Variants in DMD observed in about 807,000 individuals in gnomAD.
The protein encoded by DMD is dystrophin.
DMD carries 63 observed loss-of-function variants against 330.1 expected under a neutral mutation model. The ratio of observed to expected loss-of-function variants is 0.19; its 90% CI spans 0.16 to 0.24. The LOEUF (loss-of-function observed/expected upper bound fraction) is 0.24, where lower values mean the gene tolerates loss of function less well. Ranked by LOEUF, DMD falls within the 10% of genes least tolerant of loss-of-function variation. The probability of loss-of-function intolerance (pLI) is 1.00; values close to 1 mark genes in which losing one functional copy is unlikely to be tolerated. For synonymous variants in DMD, 1,223 were observed against 959.8 expected (o/e 1.27, Z -5.07); for missense variants, 3,344 against 2,684.1 (o/e 1.25, Z -5.43).
chrX:32,038,380 A>G (rs997444136), intron 44 of DMD, among the ~76,000 whole-genome samples: 1 of 111,933 alleles, frequency 8.9e-6, no homozygotes, highest in African/African-American at 3.2e-5. Flanking sequence ...AAGGTGAAAC[A>G]AAAGTCCATC....
At position 32,459,601 on chromosome X, in the gene DMD, A is replaced by C. The variant is rs770392040; in HGVS notation, c.3432+3838T>G. On this transcript the variant is annotated intron_variant, in intron 25 of 78. Transcript: ENST00000357033. ...AGATGGAACCGCTAGTCACTCTAGT[A>C]AGCTATTCCATTTTGTTCTTCTCTT... Among the ~76,000 whole-genome samples, 4 of 111,323 alleles carry C rather than the reference A, an allele frequency of 3.6e-5. No individual in the cohort carries two copies. In the East Asian group the frequency reaches 1.1e-3, roughly 32 times the overall value.
At chrX:33,267,310 T>A (rs954341318) in intron 1 of DMD, among the ~76,000 whole-genome samples, 1 of 110,881 alleles carries the variant, frequency 9.0e-6, no homozygotes, top group Non-Finnish European at 1.9e-5. Context: ...CTAACCAAGA[T>A]GCTGAAAGAT....
chrX:31,937,623 T>C (rs2094940527), intron 45 of DMD, among the ~76,000 whole-genome samples: 1 of 111,952 alleles, frequency 8.9e-6, no homozygotes, highest in African/African-American at 3.2e-5. Context: ...GATTTGAAGT[T>C]TTAAAAGCTG....
intron 44 of DMD, among the ~76,000 whole-genome samples, chrX:32,100,398 T>C (rs2096534141): frequency 9.3e-6 from 1 of 107,321 alleles, no homozygotes; most frequent in Non-Finnish European, 1.9e-5. Flanking sequence ...TATGTATATA[T>C]ATATATATTA....
intron 43 of DMD, among the ~76,000 whole-genome samples, chrX:32,239,181 G>A (rs769114984): frequency 2.7e-5 from 3 of 110,990 alleles, no homozygotes; most frequent in Non-Finnish European, 3.8e-5. Context: ...ATTGTCAAAC[G>A]TCCTCTGCAG....
chrX:31,622,846 TTATATATATATATATA>T (rs757102035), intron 55 of DMD, among the ~76,000 whole-genome samples: 4 of 74,178 alleles, frequency 5.4e-5, no homozygotes, highest in East Asian at 4.8e-4. Flanking sequence ...CAGAAAAATT[TTATATATATATATATA>T]TATATATATA....
At chrX:31,901,338 TG>T (rs2094419327) in intron 47 of DMD, among the ~76,000 whole-genome samples, 1 of 111,943 alleles carries the variant, frequency 8.9e-6, no homozygotes, top group African/African-American at 3.2e-5. Context: ...CATAATATTT[TG>T]TTTACAGTCT....
rs955955517 is a variant in DMD, at chrX:31,121,170, A to AAGTC, written c.*745_*748dup. 3.6e-5 allele frequency: 4 copies of AAGTC among 111,388 alleles called. No homozygotes were observed. The highest frequency in any genetic ancestry group is 2.8e-4 in the East Asian group (1 of 3,568). 9.2% of individuals were successfully genotyped at this position (111,388 alleles called of 1,213,427 possible). A position where few individuals can be genotyped will look rare whatever the true frequency, so the allele number is the denominator to read the frequency against. On this transcript the variant is annotated 3_prime_UTR_variant, in exon 79 of 79. Coordinates refer to ENST00000357033, the MANE Select transcript of DMD (RefSeq NM_004006.3). ...GACATGAACATTTAAAAAATGGAAA[A>AAGTC]AGTCAGTCTATAGAAATTCGTATCT...
At chrX:31,830,761 T>C (rs1222154276) in intron 49 of DMD, among the ~76,000 whole-genome samples, 2 of 111,656 alleles carry the variant, frequency 1.8e-5, no homozygotes, top group African/African-American at 6.5e-5. Context: ...AGCTAGGCCA[T>C]GATGGTCCCA....
chrX:31,819,575 T>C (rs1334546270), intron 50 of DMD, among the ~76,000 whole-genome samples: 1 of 112,962 alleles, frequency 8.9e-6, no homozygotes, highest in African/African-American at 3.2e-5. Flanking sequence ...CCCTGGCCAA[T>C]GGCTGGCTGG....
intron 9 of DMD, among the ~76,000 whole-genome samples, chrX:32,651,230 C>T (rs998606581): frequency 9.2e-6 from 1 of 109,070 alleles, no homozygotes; most frequent in South Asian, 4.0e-4. Context: ...GCAGCCTCTC[C>T]CTTCTGGGTT....
chrX:31,522,992 T>C (rs746019584), intron 55 of DMD, among the ~76,000 whole-genome samples: 1 of 111,507 alleles, frequency 9.0e-6, no homozygotes, highest in South Asian at 3.9e-4. Context: ...CATGCATCAG[T>C]AGTTCCCTTA....
intron 9 of DMD, among the ~76,000 whole-genome samples, chrX:32,681,261 T>C (rs1209492973): frequency 9.0e-6 from 1 of 111,317 alleles, no homozygotes; most frequent in Non-Finnish European, 1.9e-5. Flanking sequence ...TGAGTACGAG[T>C]CGATGGACCA....
intron 60 of DMD, among the ~76,000 whole-genome samples, chrX:31,358,056 C>G (rs1215168366): frequency 9.1e-6 from 1 of 110,266 alleles, no homozygotes; most frequent in Non-Finnish European, 1.9e-5. Context: ...CGGTCTCTCT[C>G]CCTCTGTCTT....
At chrX:31,808,295 T>C (rs1052911467) in intron 50 of DMD, among the ~76,000 whole-genome samples, 4 of 111,935 alleles carry the variant, frequency 3.6e-5, no homozygotes, top group African/African-American at 1.3e-4. Flanking sequence ...ATCAGACTTA[T>C]GTTGTTAAAG....
intron 67 of DMD, among the ~76,000 whole-genome samples, chrX:31,195,679 G>C (rs927132681): frequency 9.2e-6 from 1 of 108,315 alleles, no homozygotes; most frequent in African/African-American, 3.4e-5. Context: ...TGGAATTTTA[G>C]GGGTGATAGA....
chrX:32,776,282 AC>A (rs58231835), intron 7 of DMD, among the ~76,000 whole-genome samples: 11,242 of 89,100 alleles, frequency 0.13, 610 homozygotes, highest in African/African-American at 0.22. Context: ...TCTTCTTCTG[AC>A]CCCCCCCCCA....
At chrX:32,778,372 A>C (rs1044420472) in intron 7 of DMD, among the ~76,000 whole-genome samples, 4 of 111,135 alleles carry the variant, frequency 3.6e-5, no homozygotes, top group Non-Finnish European at 7.5e-5. Flanking sequence ...CATTGAGGGC[A>C]GTTTGTCAGG....
At chrX:32,119,159 G>C (rs189967583) in intron 44 of DMD, among the ~76,000 whole-genome samples, 1 of 110,089 alleles carries the variant, frequency 9.1e-6, no homozygotes, top group East Asian at 2.9e-4. Context: ...GTGAAACCCT[G>C]TCTCTACTAA....
Sources: allele counts gnomAD v4.1 joint callset (sites outside exome capture counted in the v4.1 genomes callset), GRCh38; gene constraint gnomAD v4.1.1; transcripts MANE v1.5; gene names NCBI Gene and HGNC (gene_info 2026-07-23, HGNC 2026-07-21).